ROBO2: variants seen among roughly 807,000 people sequenced by gnomAD.
The protein encoded by ROBO2 is roundabout homolog 2.
ROBO2 carries 53 observed loss-of-function variants against 160.8 expected under a neutral mutation model. That is an observed-to-expected ratio of 0.33 (90% CI 0.26 to 0.41). ROBO2 has a LOEUF of 0.41. Ranked by LOEUF, ROBO2 falls within the 10% of genes least tolerant of loss-of-function variation. ROBO2 has a pLI of 1.00. For synonymous variants in ROBO2, 664 were observed against 611.7 expected (o/e 1.09, Z -1.26); for missense variants, 1,577 against 1,722.4 (o/e 0.92, Z 1.49).
chr3:76,248,134 T>A (rs1337968442), intron 2 of ROBO2, among the ~76,000 whole-genome samples: 1 of 151,932 alleles, frequency 6.6e-6, no homozygotes, highest in Non-Finnish European at 1.5e-5. Flanking sequence ...AGCCATCCCA[T>A]TACTGGGTAT....
At chr3:77,510,722 G>A (rs2153615444) in intron 5 of ROBO2, among the ~76,000 whole-genome samples, 1 of 152,150 alleles carries the variant, frequency 6.6e-6, no homozygotes, top group South Asian at 2.1e-4. Context: ...AAAACTGGAT[G>A]ACATGATACT....
intron 2 of ROBO2, among the ~76,000 whole-genome samples, chr3:77,113,501 G>A (rs1371661043): frequency 6.6e-6 from 1 of 152,146 alleles, no homozygotes; most frequent in African/African-American, 2.4e-5. Flanking sequence ...ATCTCAATGT[G>A]CTTTGTCTTT....
At chr3:76,641,658 A>G (rs2090681792) in intron 2 of ROBO2, among the ~76,000 whole-genome samples, 1 of 152,212 alleles carries the variant, frequency 6.6e-6, no homozygotes, top group Non-Finnish European at 1.5e-5. Context: ...GTGAACTTCT[A>G]ATAAGGCCTG....
Position 76,067,010 on chromosome 3 carries a change from C to T in ROBO2, c.109+129408C>T, listed in dbSNP as rs185034251. Among the ~76,000 whole-genome samples, 11 of 152,210 alleles carry T rather than the reference C, an allele frequency of 7.2e-5. No homozygotes were observed. The East Asian group carries it at 1.7e-3, about 24-fold the overall frequency. ...AGCTCTTTCGAAACAAAGACACTTT[C>T]CATGGACAAATACGAGTCTCCAGCT... On this transcript the variant is annotated intron_variant, in intron 2 of 26. Coordinates refer to the ROBO2 transcript ENST00000487694.
At chr3:76,571,567 A>C (rs2084960096) in intron 2 of ROBO2, among the ~76,000 whole-genome samples, 1 of 152,156 alleles carries the variant, frequency 6.6e-6, no homozygotes, top group Non-Finnish European at 1.5e-5. Flanking sequence ...AATTTAATAA[A>C]TCAAGAGACA....
intron 2 of ROBO2, among the ~76,000 whole-genome samples, chr3:76,416,287 T>C (rs2075754688): frequency 6.6e-6 from 1 of 152,196 alleles, no homozygotes; most frequent in East Asian, 1.9e-4. Flanking sequence ...ATGTTAGTTT[T>C]GTGTCTTTTG....
chr3:76,305,855 AAAC>A (rs1049272651), intron 2 of ROBO2, among the ~76,000 whole-genome samples: 4 of 152,072 alleles, frequency 2.6e-5, no homozygotes, highest in Non-Finnish European at 5.9e-5. Context: ...TCAAAAAAAA[AAAC>A]AAAAAAACAT....
At chr3:77,554,003 G>A (rs1597092) in intron 8 of ROBO2, among the ~76,000 whole-genome samples, 84,920 of 151,700 alleles carry the variant, frequency 0.56, 23,833 homozygotes, top group Middle Eastern at 0.68. Context: ...GGACTTTGAT[G>A]GCTGAAGAAA....
chr3:76,545,809 C>T (rs1021234484), intron 2 of ROBO2, among the ~76,000 whole-genome samples: 1 of 151,758 alleles, frequency 6.6e-6, no homozygotes, highest in Non-Finnish European at 1.5e-5. Flanking sequence ...ATGCCTAATT[C>T]TATCTAACAT....
At chr3:77,106,888 C>G (rs2150142818) in intron 2 of ROBO2, among the ~76,000 whole-genome samples, 1 of 152,222 alleles carries the variant, frequency 6.6e-6, no homozygotes, top group East Asian at 1.9e-4. Flanking sequence ...ATTACTGAGC[C>G]CCAGGTTGGG....
rs1280660913 is a variant in ROBO2 at position 76,222,947 on chromosome 3, G to A, written c.109+285345G>A. 2.6e-5 allele frequency among the ~76,000 whole-genome samples: 4 copies of A among 152,044 alleles called. No individual in the cohort carries two copies. In the South Asian group the frequency reaches 6.2e-4, roughly 24 times the overall value. ...CTTTTGTATTTTTAGTAGAGATGGA[G>A]TTTCACCGTATTAGTCAGGCTGGTC... On this transcript the variant is annotated intron_variant, in intron 2 of 26. Coordinates refer to the ROBO2 transcript ENST00000487694.
intron 24 of ROBO2, among the ~76,000 whole-genome samples, chr3:77,641,138 A>G (rs560736951): frequency 6.6e-6 from 1 of 152,374 alleles, no homozygotes; most frequent in South Asian, 2.1e-4. Context: ...CACCAAACTC[A>G]TTGGATTATC....
At chr3:76,370,578 C>A (rs1484646122) in intron 2 of ROBO2, among the ~76,000 whole-genome samples, 1 of 151,868 alleles carries the variant, frequency 6.6e-6, no homozygotes, top group Non-Finnish European at 1.5e-5. Context: ...TACAAAGAAA[C>A]CACAGAGTCA....
At chr3:76,080,747 C>T (rs766441416) in intron 2 of ROBO2, among the ~76,000 whole-genome samples, 7 of 152,148 alleles carry the variant, frequency 4.6e-5, no homozygotes, top group Non-Finnish European at 8.8e-5. Flanking sequence ...CCATCTACAA[C>T]GGATCTTAAT....
intron 2 of ROBO2, among the ~76,000 whole-genome samples, chr3:76,165,536 G>T (rs1352293301): frequency 6.6e-6 from 1 of 152,126 alleles, no homozygotes; most frequent in Non-Finnish European, 1.5e-5. Context: ...GTTCACTGGA[G>T]TAGCACTTTA....
At chr3:77,270,945 TA>T (rs34427104) in intron 2 of ROBO2, among the ~76,000 whole-genome samples, 105,100 of 146,040 alleles carry the variant, frequency 0.72, 37,748 homozygotes, top group East Asian at 0.94. Context: ...TCTGTCTTTT[TA>T]AAAAAAAAAA....
At chr3:76,986,726 G>T (rs1266108177) in intron 2 of ROBO2, among the ~76,000 whole-genome samples, 1 of 152,068 alleles carries the variant, frequency 6.6e-6, no homozygotes, top group Non-Finnish European at 1.5e-5. Flanking sequence ...ATGAAATAAA[G>T]TATGGAATTG....
chr3:77,566,678 G>A (rs1048209492), intron 12 of ROBO2, among the ~76,000 whole-genome samples: 1 of 151,954 alleles, frequency 6.6e-6, no homozygotes, highest in Non-Finnish European at 1.5e-5. Flanking sequence ...AAAATAACTC[G>A]CAGTGAAGAG....
intron 2 of ROBO2, among the ~76,000 whole-genome samples, chr3:76,945,864 C>T (rs1010893932): frequency 2.0e-5 from 3 of 152,126 alleles, no homozygotes; most frequent in East Asian, 1.9e-4. Flanking sequence ...ATTATGACTG[C>T]TTTAATATCT....
Sources: allele counts gnomAD v4.1 joint callset (sites outside exome capture counted in the v4.1 genomes callset), GRCh38; gene constraint gnomAD v4.1.1; transcripts MANE v1.5; gene names NCBI Gene and HGNC (gene_info 2026-07-23, HGNC 2026-07-21).